QTRT1: variants seen among roughly 807,000 people sequenced by gnomAD.
QTRT1 encodes the protein queuine tRNA-ribosyltransferase catalytic subunit 1.
Under a neutral mutation model 44.0 loss-of-function variants are expected in QTRT1, and 41 were observed. The observed-to-expected ratio is 0.93, with a 90% CI of 0.73 to 1.21. The LOEUF is 1.21. Among genes scored for constraint, QTRT1 ranks in the 50% most tolerant of loss-of-function variants. The probability of loss-of-function intolerance (pLI) is 0.00; values close to 1 mark genes in which losing one functional copy is unlikely to be tolerated. For synonymous variants in QTRT1, 226 were observed against 237.1 expected (o/e 0.95, Z 0.43); for missense variants, 542 against 575.8 (o/e 0.94, Z 0.60).
At chr19:10,704,031 G>A (rs1232033066) in intron 3 of QTRT1, among the ~76,000 whole-genome samples, 1 of 150,948 alleles carries the variant, frequency 6.6e-6, no homozygotes, top group Non-Finnish European at 1.5e-5. Context: ...ATTTTTAGTA[G>A]AGACAGGGTT....
At chr19:10,704,143 G>C (rs896507742) in intron 3 of QTRT1, among the ~76,000 whole-genome samples, 1 of 151,974 alleles carries the variant, frequency 6.6e-6, no homozygotes, top group Admixed American at 6.6e-5. Flanking sequence ...CACCATGCCC[G>C]GCCAAATATT....
chr19:10,712,670 G>C lies in QTRT1; in HGVS notation c.861+42G>C. On this transcript the variant is annotated intron_variant, in intron 7 of 9. Coordinates refer to ENST00000250237, the MANE Select transcript of QTRT1 (RefSeq NM_031209.3). The surrounding 1 kb of genome is among the most constrained non-coding windows in gnomAD (Gnocchi z 5.6). ...AGGAGGTCAGGGCGGGAGACGGGTGGGGGACTAGGGAGGCAAGGTTAGGGG... is the reference window on the plus strand; with the variant it reads ...AGGAGGTCAGGGCGGGAGACGGGTGCGGGACTAGGGAGGCAAGGTTAGGGG... 2 of 1,239,694 alleles carry C rather than the reference G, an allele frequency of 1.6e-6. No homozygotes were observed. Among genetic ancestry groups the C allele is most frequent in the Non-Finnish European group, 2.2e-6 (2 of 898,944 alleles). The allele number at this position is 1,239,694 out of a possible 1,614,324, so 76.8% of individuals were successfully genotyped here.
intron 3 of QTRT1, among the ~76,000 whole-genome samples, chr19:10,703,206 C>T (rs1310497139): frequency 6.6e-6 from 1 of 151,086 alleles, no homozygotes; most frequent in Non-Finnish European, 1.5e-5. Flanking sequence ...GGGATTACAA[C>T]TGCTTGCCAC....
chr19:10,707,468 C>T, intron 4 of QTRT1, 32 bp from the exon 5 acceptor site: 1 of 1,609,674 alleles, frequency 6.2e-7, no homozygotes, highest in Non-Finnish European at 8.5e-7. Context: ...CTCACCAGGC[C>T]CCTGGGGCTT....
rs747472360 is a variant in QTRT1 at position 10,713,167 on chromosome 19, C to CGGACTTCGTGCG, written c.1117_1128dup (p.Val373_Phe376dup). ...ACCAGCATCGTGGAGAAGCGCTTCC[C>CGGACTTCGTGCG]GGACTTCGTGCGGGACTTCATGGGC... is the stretch of plus-strand genomic sequence containing the variant. On this transcript the variant is annotated inframe_insertion, in exon 10 of 10. Transcript: ENST00000250237. This position sits in a 1 kb window ranked among gnomAD's most constrained non-coding sequence, Gnocchi z 4.3. 80 of 1,609,528 alleles carry CGGACTTCGTGCG rather than the reference C, an allele frequency of 5.0e-5. No individual in the cohort carries two copies. The highest frequency in any genetic ancestry group is 6.7e-5 in the Non-Finnish European group (79 of 1,178,026).
rs758614975 is a variant in QTRT1, at chr19:10,702,301, G to A, written c.451+47G>A. 8.2e-6 allele frequency: 13 copies of A among 1,592,484 alleles called. No homozygotes were observed. The African/African-American group carries it at 9.4e-5, about 12-fold the overall frequency. ...GCCTCCTTACCCTGTCTGTCAGGGG[G>A]TGAAGTTTACACGGGGCCTGTTTTT... On this transcript the variant is annotated intron_variant, in intron 3 of 9. Coordinates refer to ENST00000250237, the MANE Select transcript of QTRT1 (RefSeq NM_031209.3).
At chr19:10,711,853 C>G (rs1174993002) in intron 5 of QTRT1, 1 of 485,220 alleles carries the variant, frequency 2.1e-6, no homozygotes, top group Non-Finnish European at 3.7e-6. Flanking sequence ...ACAGTTTCAG[C>G]TAAGGGACTG....
Position 10,712,546 on chromosome 19 carries a change from A to C in QTRT1, c.786-7A>C. On this transcript the variant is annotated splice_region_variant and splice_polypyrimidine_tract_variant and intron_variant, in intron 6 of 9. Transcript: ENST00000250237. The surrounding 1 kb of genome is among the most constrained non-coding windows in gnomAD (Gnocchi z 5.6). ...TCTGCCCCCTCCCGTCATGGCTGCA[A>C]CCCCAGCTATGCCACTGATCTGGTA... The C allele has an allele frequency of 6.2e-7, 1 of 1,612,340 alleles. No homozygotes were observed. Among genetic ancestry groups the C allele is most frequent in the East Asian group, 2.2e-5 (1 of 44,864 alleles).
Position 10,712,337 on chromosome 19 carries a change from G to A in QTRT1, c.785+38G>A, listed in dbSNP as rs752054266. The A allele has an allele frequency of 6.3e-7, 1 of 1,581,564 alleles. No individual in the cohort carries two copies. The highest frequency in any genetic ancestry group is 8.6e-7 in the Non-Finnish European group (1 of 1,163,184). ...TAGGGAAGCCAGAGCCCTACCTGTG[G>A]GAAGTGGATTCCTGGGGACCCCCTA... is the stretch of plus-strand genomic sequence containing the variant. On this transcript the variant is annotated intron_variant, in intron 6 of 9. Coordinates refer to ENST00000250237, the MANE Select transcript of QTRT1 (RefSeq NM_031209.3). This position sits in a 1 kb window ranked among gnomAD's most constrained non-coding sequence, Gnocchi z 5.6.
At chr19:10,702,604 GA>G (rs1743417551) in intron 3 of QTRT1, among the ~76,000 whole-genome samples, 1 of 151,868 alleles carries the variant, frequency 6.6e-6, no homozygotes, top group Non-Finnish European at 1.5e-5. Context: ...GGGAGTTGGA[GA>G]CCAGCTTGGG....
At chr19:10,705,954 C>T (rs764673660) in intron 3 of QTRT1, among the ~76,000 whole-genome samples, 2 of 143,794 alleles carry the variant, frequency 1.4e-5, no homozygotes, top group African/African-American at 2.6e-5. Flanking sequence ...CTCCCGGGTG[C>T]ACACCATTCT....
intron 5 of QTRT1, 56 bp downstream of exon 5, chr19:10,707,671 G>C (rs1405954241): frequency 7.6e-7 from 1 of 1,315,948 alleles, no homozygotes; most frequent in Non-Finnish European, 1.1e-6. Flanking sequence ...TCCCCACATG[G>C]GCCTGGCGTA....
rs762384233 is a variant in QTRT1 at position 10,707,320 on chromosome 19, A to G, written c.470A>G (p.Gln157Arg). 5 of 1,614,154 alleles carry G rather than the reference A, an allele frequency of 3.1e-6. No individual in the cohort carries two copies. The Admixed American group carries it at 5.0e-5, about 16-fold the overall frequency. ...CCATCAGGCTCGGACATCATCATGC[A>G]GCTGGACGACGTGGTTAGCAGTACT... ...QNALGSDIIMQLDDVVSSTVT... is the reference protein window; with the variant it reads ...QNALGSDIIMRLDDVVSSTVT... The change falls in exon 4 of 10, where the codon CAG becomes CGG. Residue 157 changes from glutamine (Q) to arginine (R), a missense_variant. Physicochemically the swap from Gln to Arg is conservative, Grantham distance 43 (BLOSUM62 1). Transcript: ENST00000250237.
In QTRT1 at chr19:10,712,759, G is replaced by A. The variant is rs1327685174; in HGVS notation, c.863G>A (p.Arg288His). 9 of 1,613,660 alleles carry A rather than the reference G, an allele frequency of 5.6e-6. No homozygotes were observed. Among genetic ancestry groups the A allele is most frequent in the Middle Eastern group, 1.6e-4 (1 of 6,066 alleles). ...TTCCCTGCCCTTCCTCTCCCACAGC[G>A]CTTTGGCTCTGCCCTGGTGCCCACT... Reference protein sequence around the residue: ...FDCVFPTRTARFGSALVPTGN... With the variant: ...FDCVFPTRTAHFGSALVPTGN... Residue 288 changes from arginine to histidine, a missense_variant and splice_region_variant, in exon 8 of 10, where the codon CGC becomes CAC. Arg to His is a conservative substitution (Grantham distance 29). Coordinates refer to ENST00000250237, the MANE Select transcript of QTRT1 (RefSeq NM_031209.3). The surrounding 1 kb of genome is among the most constrained non-coding windows in gnomAD (Gnocchi z 5.6).
rs368319323 is a variant in QTRT1, at chr19:10,712,944, G to A, written c.972-9G>A. On this transcript the variant is annotated splice_polypyrimidine_tract_variant and intron_variant, in intron 8 of 9. Transcript: ENST00000250237. The surrounding 1 kb of genome is among the most constrained non-coding windows in gnomAD (Gnocchi z 5.6). ...TGGCCGTGCTGAGCTGTCCCCTGCCGCTCTACAGGCACAGCCGCGCCTTCC... is the reference window on the plus strand; with the variant it reads ...TGGCCGTGCTGAGCTGTCCCCTGCCACTCTACAGGCACAGCCGCGCCTTCC... The A allele has an allele frequency of 2.7e-4, 441 of 1,612,910 alleles. No individual in the cohort carries two copies. The highest frequency in any genetic ancestry group is 3.6e-4 in the Non-Finnish European group (425 of 1,179,910).
intron 5 of QTRT1, among the ~76,000 whole-genome samples, chr19:10,708,585 C>T (rs545328871): frequency 6.6e-6 from 1 of 152,176 alleles, no homozygotes; most frequent in East Asian, 1.9e-4. Context: ...GGCTTACCTG[C>T]CCCAGCACAA....
chr19:10,704,527 C>G (rs188732096), intron 3 of QTRT1, among the ~76,000 whole-genome samples: 30 of 152,042 alleles, frequency 2.0e-4, no homozygotes, highest in Admixed American at 2.0e-3. Context: ...ATCTCCTGAC[C>G]TCGTGATTCG....
Position 10,712,178 on chromosome 19 carries a change from G to A in QTRT1, c.664G>A (p.Val222Met), listed in dbSNP as rs779310852. The A allele has an allele frequency of 6.2e-6, 10 of 1,613,094 alleles. No individual in the cohort carries two copies. The highest frequency in any genetic ancestry group is 3.3e-5 in the South Asian group (3 of 91,044). The stretch of plus-strand genomic sequence containing the variant: ...ACCCTCAGAGATGACCAAGCGAGAC[G>A]TGCCTGGCTTCGCCATCGGGGGCCT... ...TCLEEMTKRD[V>M]PGFAIGGLSG... The change falls in exon 6 of 10, where the codon GTG (valine) becomes ATG (methionine). Residue 222 changes from valine (V) to methionine (M), a missense_variant. Physicochemically the swap from Val to Met is conservative, Grantham distance 21. Coordinates refer to ENST00000250237, the MANE Select transcript of QTRT1 (RefSeq NM_031209.3). This position sits in a 1 kb window ranked among gnomAD's most constrained non-coding sequence, Gnocchi z 5.6.
At position 10,712,221 on chromosome 19, in the gene QTRT1, A is replaced by G; in HGVS notation, c.707A>G (p.Lys236Arg). The change falls in exon 6 of 10, where the codon AAG (lysine) becomes AGG (arginine). Residue 236 changes from lysine to arginine, a missense_variant. By Grantham distance (26) the Lys-to-Arg change is conservative. Coordinates refer to ENST00000250237, the MANE Select transcript of QTRT1 (RefSeq NM_031209.3). This position sits in a 1 kb window ranked among gnomAD's most constrained non-coding sequence, Gnocchi z 5.6. ...AIGGLSGGES[K>R]SQFWRMVALS... ...GGGGGCCTGAGCGGGGGTGAGAGCAAGTCGCAGTTCTGGCGGATGGTGGCG... is the reference window on the plus strand; with the variant it reads ...GGGGGCCTGAGCGGGGGTGAGAGCAGGTCGCAGTTCTGGCGGATGGTGGCG... 1 of 1,614,080 alleles carries G rather than the reference A, an allele frequency of 6.2e-7. No homozygotes were observed. Among genetic ancestry groups the G allele is most frequent in the Non-Finnish European group, 8.5e-7 (1 of 1,180,038 alleles).
Sources: allele counts gnomAD v4.1 joint callset (sites outside exome capture counted in the v4.1 genomes callset), GRCh38; gene constraint gnomAD v4.1.1; non-coding constraint Gnocchi (gnomAD v3.1); transcripts MANE v1.5; gene names NCBI Gene and HGNC (gene_info 2026-07-23, HGNC 2026-07-21).